FITM1: variants seen among roughly 807,000 people sequenced by gnomAD.
The protein encoded by FITM1 is fat storage-inducing transmembrane protein 1.
In FITM1, 11 loss-of-function variants were observed where a neutral mutation model predicts 22.2. That is an observed-to-expected ratio of 0.50 (90% CI 0.31 to 0.82). FITM1 has a LOEUF of 0.82. FITM1 is among the 40% of genes least tolerant of loss of function. The pLI, the probability that FITM1 is intolerant of heterozygous loss-of-function variation, is 0.04. For synonymous variants in FITM1, 164 were observed against 174.0 expected, an observed-to-expected ratio of 0.94 and a Z score of 0.45; for missense variants, 394 against 386.4, an observed-to-expected ratio of 1.02 and a Z score of -0.17.
Position 24,132,537 on chromosome 14 carries a change from C to T in FITM1, c.593C>T (p.Ala198Val). Residue 198 changes from alanine to valine, a missense_variant, in exon 2 of 2, where the codon GCA becomes GTA. Physicochemically the swap from Ala to Val is moderately conservative, Grantham distance 64 (BLOSUM62 0). Transcript: ENST00000267426. ...FLLTFCCLLM[A>V]EEAAVFAKYL... ...CTCACCTTTTGCTGCCTGCTCATGG[C>T]AGAGGAAGCAGCTGTGTTCGCCAAG... 1 of 1,604,972 alleles carries T rather than the reference C, an allele frequency of 6.2e-7. No homozygotes were observed. Among genetic ancestry groups the T allele is most frequent in the Non-Finnish European group, 8.5e-7 (1 of 1,179,994 alleles).
In FITM1 at chr14:24,131,627, G is replaced by A. The variant is rs377560472; in HGVS notation, c.64G>A (p.Gly22Ser). 6.2e-7 allele frequency: 1 copy of A among 1,612,118 alleles called. No homozygotes were observed. ...CGGGGCCCGAATCCAGGCACTGCTGGGCTGCCTGCTCAAGGTGCTGCTCTG... is the reference window on the plus strand; with the variant it reads ...CGGGGCCCGAATCCAGGCACTGCTGAGCTGCCTGCTCAAGGTGCTGCTCTG... ...GAGARIQALL[G>S]CLLKVLLWVA... is the part of the protein sequence containing the mutation. Residue 22 changes from glycine (G) to serine (S), a missense_variant, in exon 1 of 2, where the codon GGC (glycine) becomes AGC (serine). Gly to Ser is a moderately conservative substitution (Grantham distance 56). Coordinates refer to ENST00000267426, the MANE Select transcript of FITM1 (RefSeq NM_203402.3).
Position 24,132,420 on chromosome 14 carries a change from G to A in FITM1, c.476G>A (p.Gly159Asp), listed in dbSNP as rs1469483779. The A allele has an allele frequency of 1.9e-6, 3 of 1,609,706 alleles. No homozygotes were observed. In the East Asian group the frequency reaches 6.7e-5, roughly 36 times the overall value. The change falls in exon 2 of 2, where the codon GGT becomes GAT. Residue 159 changes from glycine (G) to aspartate (D), a missense_variant. Physicochemically the swap from Gly to Asp is moderately conservative, Grantham distance 94 (BLOSUM62 -1). Transcript: ENST00000267426. ...TCCTGCTTCGAGCCACTGCCCCAGG[G>A]TCTGCTGCTCCACGAGCTGCCTGAC... ...TGSCFEPLPQ[G>D]LLLHELPDRR...
rs139633858 is a variant in FITM1 at position 24,131,793 on chromosome 14, G to A, written c.230G>A (p.Arg77Gln). 2,987 of 1,607,428 alleles carry A rather than the reference G, an allele frequency of 1.9e-3. 7 individuals are homozygous for A. The highest frequency in any genetic ancestry group is 2.2e-3 in the Non-Finnish European group (2,548 of 1,176,092). Residue 77 changes from arginine to glutamine, a missense_variant, in exon 1 of 2, where the codon CGG (arginine) becomes CAG (glutamine). Transcript: ENST00000267426. Reference sequence around the variant, plus strand: ...CTTCTGCAGTTCCATGTCAACCCTCGGACTATCTTCGCCAGCCACGGCAAC... The same window carrying A: ...CTTCTGCAGTTCCATGTCAACCCTCAGACTATCTTCGCCAGCCACGGCAAC... ...GPLLQFHVNP[R>Q]TIFASHGNFF...
Position 24,131,544 on chromosome 14 carries a change from TAGTG to T in FITM1, c.-19_-16del. The T allele has an allele frequency of 6.5e-7, 1 of 1,549,408 alleles. No individual in the cohort carries two copies. The highest frequency in any genetic ancestry group is 8.7e-7 in the Non-Finnish European group (1 of 1,147,138). ...TCAGCTGCCCAGCAAAGCAAGCAGTTAGTGGGGAGGGGAGGGAACATGGAGCGGG... is the reference window on the plus strand; with the variant it reads ...TCAGCTGCCCAGCAAAGCAAGCAGTTGGGAGGGGAGGGAACATGGAGCGGG... On this transcript the variant is annotated 5_prime_UTR_variant, in exon 1 of 2. The change abolishes the stop of an existing upstream ORF in the 5' untranslated region. Transcript: ENST00000267426.
chr14:24,132,234 G>A lies in FITM1; in HGVS notation c.290G>A (p.Gly97Asp). Residue 97 changes from glycine to aspartate, a missense_variant, in exon 2 of 2, where the codon GGC becomes GAC. Transcript: ENST00000267426. Reference protein sequence around the residue: ...FNIKFVNSAWGWTCTFLGGFV... With the variant: ...FNIKFVNSAWDWTCTFLGGFV... ...AGAAAATTTGTGAATTCAGCCTGGGGCTGGACATGCACTTTCTTAGGGGGC... is the reference window on the plus strand; with the variant it reads ...AGAAAATTTGTGAATTCAGCCTGGGACTGGACATGCACTTTCTTAGGGGGC... 1 of 1,612,078 alleles carries A rather than the reference G, an allele frequency of 6.2e-7. No homozygotes were observed. Among genetic ancestry groups the A allele is most frequent in the Non-Finnish European group, 8.5e-7 (1 of 1,179,480 alleles).
chr14:24,131,395 C>T lies in FITM1; in HGVS notation c.-169C>T. The T allele has an allele frequency of 1.4e-6, 1 of 730,900 alleles. No individual in the cohort carries two copies. The highest frequency in any genetic ancestry group is 1.5e-5 in the South Asian group (1 of 67,356). 45.3% of individuals were successfully genotyped at this position (730,900 alleles called of 1,614,324 possible). A position where few individuals can be genotyped will look rare whatever the true frequency, so the allele number is the denominator to read the frequency against. On this transcript the variant is annotated 5_prime_UTR_variant, in exon 1 of 2. Transcript: ENST00000267426. The stretch of plus-strand genomic sequence containing the variant: ...ACCCTGCTGACGTGGCAGACCTCCA[C>T]CCTGGCCCCTTACTGCCCCCCGCCC...
At position 24,132,304 on chromosome 14, in the gene FITM1, A is replaced by G. The variant is rs769749593; in HGVS notation, c.360A>G (p.Val120=). Reference sequence around the variant, plus strand: ...TCCTGGCTACACGGCGCGTGGCAGTAACTGCCAGACACCTGAGCCGACTGG... The same window carrying G: ...TCCTGGCTACACGGCGCGTGGCAGTGACTGCCAGACACCTGAGCCGACTGG... ...VVFLATRRVA[V]TARHLSRLVV... The change falls in exon 2 of 2, where the codon GTA becomes GTG. Residue 120 remains valine, a synonymous_variant. Transcript: ENST00000267426. 6.2e-7 allele frequency: 1 copy of G among 1,613,972 alleles called. No homozygotes were observed. The highest frequency in any genetic ancestry group is 1.1e-5 in the South Asian group (1 of 91,082).
rs755780956 is a variant in FITM1, at chr14:24,132,773, C to A, written c.829C>A (p.Pro277Thr). Residue 277 changes from proline to threonine, a missense_variant, in exon 2 of 2, where the codon CCA becomes ACA. Transcript: ENST00000267426. ...WYHQPWSPGS[P>T]GHGLFPRPHS... ...TCATCAGCCCTGGTCTCCAGGGAGC[C>A]CAGGCCATGGGCTCTTCCCCCGTCC... The A allele has an allele frequency of 6.2e-7, 1 of 1,613,086 alleles. No homozygotes were observed. Among genetic ancestry groups the A allele is most frequent in the East Asian group, 2.2e-5 (1 of 44,884 alleles).
intron 1 of FITM1, 177 bp downstream of exon 1, chr14:24,132,006 G>A: frequency 8.3e-7 from 1 of 1,203,260 alleles, no homozygotes; most frequent in Non-Finnish European, 1.1e-6. Context: ...GTTGGGAACA[G>A]GACTAAAGAG....
chr14:24,132,116 G>A (rs2037826788), intron 1 of FITM1, 95 bp from the exon 2 acceptor site: 7 of 1,512,798 alleles, frequency 4.6e-6, no homozygotes, highest in Non-Finnish European at 6.2e-6. Flanking sequence ...AACGAGTGAT[G>A]ATGTGTAGGG....
rs1206093009 is a variant in FITM1, at chr14:24,132,216, T to G, written c.272T>G (p.Phe91Cys). The change falls in exon 2 of 2, where the codon TTT (phenylalanine) becomes TGT (cysteine). Residue 91 changes from phenylalanine to cysteine, a missense_variant. Physicochemically the swap from Phe to Cys is radical, Grantham distance 205. Transcript: ENST00000267426. ...TCTCCCTTCTTTGCCCACAGAAAAT[T>G]TGTGAATTCAGCCTGGGGCTGGACA... Reference protein sequence around the residue: ...ASHGNFFNIKFVNSAWGWTCT... With the variant: ...ASHGNFFNIKCVNSAWGWTCT... 4 of 1,608,286 alleles carry G rather than the reference T, an allele frequency of 2.5e-6. No individual in the cohort carries two copies. Among genetic ancestry groups the G allele is most frequent in the Admixed American group, 3.5e-5 (2 of 57,728 alleles).
chr14:24,132,435 A>G lies in FITM1; in HGVS notation c.491A>G (p.Glu164Gly). The G allele has an allele frequency of 2.5e-6, 4 of 1,607,524 alleles. No homozygotes were observed. Among genetic ancestry groups the G allele is most frequent in the Non-Finnish European group, 3.4e-6 (4 of 1,179,622 alleles). The stretch of plus-strand genomic sequence containing the variant: ...CTGCCCCAGGGTCTGCTGCTCCACG[A>G]GCTGCCTGACCGCCGCAGCTGCCTG... Reference protein sequence around the residue: ...EPLPQGLLLHELPDRRSCLAA... With the variant: ...EPLPQGLLLHGLPDRRSCLAA... Residue 164 changes from glutamate to glycine, a missense_variant, in exon 2 of 2, where the codon GAG becomes GGG. Transcript: ENST00000267426.
Position 24,131,842 on chromosome 14 carries a change from A to G in FITM1, c.266+13A>G. On this transcript the variant is annotated intron_variant, in intron 1 of 1. Transcript: ENST00000267426. ...ACTTCTTCAACATGTGAGTCCACTC[A>G]AGGCTGTGGGAGCCGGGTCCCTGCA... 1 of 1,563,538 alleles carries G rather than the reference A, an allele frequency of 6.4e-7. No homozygotes were observed. Among genetic ancestry groups the G allele is most frequent in the South Asian group, 1.2e-5 (1 of 83,328 alleles).
Position 24,132,646 on chromosome 14 carries a change from C to T in FITM1, c.702C>T (p.Phe234=). The T allele has an allele frequency of 1.9e-6, 3 of 1,613,686 alleles. No individual in the cohort carries two copies. Among genetic ancestry groups the T allele is most frequent in the Non-Finnish European group, 1.7e-6 (2 of 1,180,036 alleles). ...LNVLLLGLWN[F]LLLCTVIYFH... ...TGCTGCTGCTGGGCCTCTGGAACTTCTTGCTGCTCTGTACCGTCATCTATT... is the reference window on the plus strand; with the variant it reads ...TGCTGCTGCTGGGCCTCTGGAACTTTTTGCTGCTCTGTACCGTCATCTATT... Residue 234 remains phenylalanine (F), a synonymous_variant, in exon 2 of 2, where the codon TTC becomes TTT. Transcript: ENST00000267426.
Position 24,132,769 on chromosome 14 carries a change from G to A in FITM1, c.825G>A (p.Gly275=). ...GSWYHQPWSP[G]SPGHGLFPRP... ...GGTATCATCAGCCCTGGTCTCCAGGGAGCCCAGGCCATGGGCTCTTCCCCC... is the reference window on the plus strand; with the variant it reads ...GGTATCATCAGCCCTGGTCTCCAGGAAGCCCAGGCCATGGGCTCTTCCCCC... Residue 275 remains glycine (G), a synonymous_variant, in exon 2 of 2, where the codon GGG becomes GGA. Transcript: ENST00000267426. 6.2e-7 allele frequency: 1 copy of A among 1,613,122 alleles called. No homozygotes were observed. The highest frequency in any genetic ancestry group is 8.5e-7 in the Non-Finnish European group (1 of 1,179,844).
Position 24,132,837 on chromosome 14 carries a change from C to A in FITM1, c.*14C>A, listed in dbSNP as rs2037834612. ...AAGCATAACTGAAAGAAATAAAAACCATCGGGCCTGGCTGTGGCTCCTCTC... is the reference window on the plus strand; with the variant it reads ...AAGCATAACTGAAAGAAATAAAAACAATCGGGCCTGGCTGTGGCTCCTCTC... On this transcript the variant is annotated 3_prime_UTR_variant, in exon 2 of 2. Coordinates refer to ENST00000267426, the MANE Select transcript of FITM1 (RefSeq NM_203402.3). 6.3e-7 allele frequency: 1 copy of A among 1,598,170 alleles called. No individual in the cohort carries two copies. Among genetic ancestry groups the A allele is most frequent in the South Asian group, 1.1e-5 (1 of 89,502 alleles).
At position 24,132,318 on chromosome 14, in the gene FITM1, T is replaced by C; in HGVS notation, c.374T>C (p.Leu125Pro). ...TRRVAVTARHLSRLVVGAAVW... is the reference protein window; with the variant it reads ...TRRVAVTARHPSRLVVGAAVW... ...CGCGTGGCAGTAACTGCCAGACACC[T>C]GAGCCGACTGGTAGTAGGGGCAGCC... is the stretch of plus-strand genomic sequence containing the variant. Residue 125 changes from leucine to proline, a missense_variant, in exon 2 of 2, where the codon CTG becomes CCG. Coordinates refer to ENST00000267426, the MANE Select transcript of FITM1 (RefSeq NM_203402.3). 6.2e-7 allele frequency: 1 copy of C among 1,614,090 alleles called. No homozygotes were observed. The highest frequency in any genetic ancestry group is 8.5e-7 in the Non-Finnish European group (1 of 1,179,972).
At position 24,131,594 on chromosome 14, in the gene FITM1, C is replaced by G. The variant is rs1448751187; in HGVS notation, c.31C>G (p.Leu11Val). Residue 11 changes from leucine to valine, a missense_variant, in exon 1 of 2, where the codon CTG (leucine) becomes GTG (valine). Physicochemically the swap from Leu to Val is conservative, Grantham distance 32. Coordinates refer to ENST00000267426, the MANE Select transcript of FITM1 (RefSeq NM_203402.3). ...GCGGGGGCCGGTGGTGGGGGCAGGA[C>G]TGGGGGCCGGGGCCCGAATCCAGGC... MERGPVVGAG[L>V]GAGARIQALL... is the part of the protein sequence containing the mutation. 1.2e-6 allele frequency: 2 copies of G among 1,600,688 alleles called. No individual in the cohort carries two copies. Among genetic ancestry groups the G allele is most frequent in the Non-Finnish European group, 1.7e-6 (2 of 1,173,870 alleles).
In FITM1 at chr14:24,131,797, T is replaced by A; in HGVS notation, c.234T>A (p.Thr78=). 1 of 1,601,382 alleles carries A rather than the reference T, an allele frequency of 6.2e-7. No individual in the cohort carries two copies. The highest frequency in any genetic ancestry group is 1.1e-5 in the South Asian group (1 of 89,974). ...PLLQFHVNPR[T]IFASHGNFFN... ...TGCAGTTCCATGTCAACCCTCGGAC[T>A]ATCTTCGCCAGCCACGGCAACTTCT... Residue 78 remains threonine (T), a synonymous_variant, in exon 1 of 2, where the codon ACT becomes ACA. Coordinates refer to ENST00000267426, the MANE Select transcript of FITM1 (RefSeq NM_203402.3).
Sources: gnomAD v4.1 joint callset for allele counts on GRCh38, gnomAD v4.1.1 for gene constraint, MANE v1.5 for transcripts, NCBI Gene and HGNC (gene_info 2026-07-23, HGNC 2026-07-21) for gene names.